Variants in RIDA observed in about 807,000 individuals in gnomAD.
The protein encoded by RIDA is 2-iminobutanoate/2-iminopropanoate deaminase.
In RIDA, 17 loss-of-function variants were observed where a neutral mutation model predicts 17.8. The ratio of observed to expected loss-of-function variants is 0.96; its 90% CI spans 0.65 to 1.43. The LOEUF (loss-of-function observed/expected upper bound fraction) is 1.43, where lower values mean the gene tolerates loss of function less well. RIDA is among the 40% of genes most tolerant of loss of function. The pLI, the probability that RIDA is intolerant of heterozygous loss-of-function variation, is 0.00. For synonymous variants in RIDA, 48 were observed against 55.7 expected, an observed-to-expected ratio of 0.86 and a Z score of 0.62; for missense variants, 158 against 161.7, an observed-to-expected ratio of 0.98 and a Z score of 0.12.
At chr8:98,115,402 AAAAAAAAAAAAAAG>A (rs1422720378) in intron 1 of RIDA, among the ~76,000 whole-genome samples, 47 of 106,960 alleles carry the variant, frequency 4.4e-4, no homozygotes, top group East Asian at 2.8e-3. Context: ...AAAAAAAAAA[AAAAAAAAAAAAAAG>A]GGATAGTGCC....
intron 5 of RIDA, among the ~76,000 whole-genome samples, chr8:98,103,352 A>G (rs149035520): frequency 6.6e-6 from 1 of 152,356 alleles, no homozygotes; most frequent in African/African-American, 2.4e-5. Context: ...CTCTTAAAAC[A>G]TAAATTTTCT....
chr8:98,106,085 T>C, intron 3 of RIDA, 79 bp from the exon 4 acceptor site: 1 of 1,156,492 alleles, frequency 8.6e-7, no homozygotes, highest in Non-Finnish European at 1.3e-6. Flanking sequence ...AGTGTATGAA[T>C]CTGAGACTGT....
At chr8:98,111,605 C>CAAA (rs374861980) in intron 1 of RIDA, among the ~76,000 whole-genome samples, 20 of 100,622 alleles carry the variant, frequency 2.0e-4, no homozygotes, top group African/African-American at 7.1e-4. Context: ...GACTCTGTGT[C>CAAA]AAAAAAAAAA....
chr8:98,108,790 A>G, intron 1 of RIDA, 39 bp from the exon 2 acceptor site: 2 of 1,338,434 alleles, frequency 1.5e-6, no homozygotes, highest in Non-Finnish European at 2.2e-6. Context: ...ATGTAAGTAT[A>G]AAACATAAAA....
intron 2 of RIDA, among the ~76,000 whole-genome samples, chr8:98,106,966 C>G (rs530939508): frequency 2.0e-5 from 3 of 152,172 alleles, no homozygotes; most frequent in African/African-American, 7.2e-5. Flanking sequence ...TCTCACCCCT[C>G]TCTCCCTCTC....
intron 2 of RIDA, among the ~76,000 whole-genome samples, chr8:98,107,240 C>T (rs2130550890): frequency 6.6e-6 from 1 of 152,260 alleles, no homozygotes; most frequent in Admixed American, 6.5e-5. Context: ...AATCTTTCAG[C>T]TAGGCCGGGT....
rs1563763879 is a variant in RIDA at position 98,108,701 on chromosome 8, A to C, written c.116T>G (p.Met39Arg). The C allele has an allele frequency of 6.2e-6, 10 of 1,613,800 alleles. No individual in the cohort carries two copies. Among genetic ancestry groups the C allele is most frequent in the Non-Finnish European group, 8.5e-6 (10 of 1,179,822 alleles). ...CACAAGCTGTCCACTTGAAGGGTCC[A>C]TGCCTATCTGTCCTGAAATGTAAAT... ...RTIYISGQIGMDPSSGQLVSG... is the reference protein window; with the variant it reads ...RTIYISGQIGRDPSSGQLVSG... The change falls in exon 2 of 6, where the codon ATG becomes AGG. Residue 39 changes from methionine (M) to arginine (R), a missense_variant. Coordinates refer to ENST00000254878, the MANE Select transcript of RIDA (RefSeq NM_005836.3).
chr8:98,115,414 A>T (rs1815795144), intron 1 of RIDA, among the ~76,000 whole-genome samples: 1 of 89,224 alleles, frequency 1.1e-5, no homozygotes, highest in African/African-American at 5.4e-5. Flanking sequence ...AAAAAAAAAA[A>T]AGGGATAGTG....
At position 98,108,696 on chromosome 8, in the gene RIDA, G is replaced by C; in HGVS notation, c.121C>G (p.Pro41Ala). Residue 41 changes from proline (P) to alanine (A), a missense_variant, in exon 2 of 6, where the codon CCT becomes GCT. Pro to Ala is a conservative substitution (Grantham distance 27). Transcript: ENST00000254878. ...CCTGACACAAGCTGTCCACTTGAAG[G>C]GTCCATGCCTATCTGTCCTGAAATG... The part of the protein sequence containing the change: ...IYISGQIGMD[P>A]SSGQLVSGGV... 1 of 1,613,706 alleles carries C rather than the reference G, an allele frequency of 6.2e-7. No individual in the cohort carries two copies. Among genetic ancestry groups the C allele is most frequent in the Non-Finnish European group, 8.5e-7 (1 of 1,179,726 alleles).
In RIDA at chr8:98,117,045, T is replaced by C. The variant is rs1478904344; in HGVS notation, c.52A>G (p.Ile18Val). 6.2e-7 allele frequency: 1 copy of C among 1,613,972 alleles called. No homozygotes were observed. Among genetic ancestry groups the C allele is most frequent in the Non-Finnish European group, 8.5e-7 (1 of 1,179,916 alleles). ...CAGCCACGTTACCTGTAGGGTCCAATGGCCCCTGGGGCTTTCGCGGTGCTG... is the reference window on the plus strand; with the variant it reads ...CAGCCACGTTACCTGTAGGGTCCAACGGCCCCTGGGGCTTTCGCGGTGCTG... The part of the protein sequence containing the change: ...VISTAKAPGA[I>V]GPYSQAVLVD... Residue 18 changes from isoleucine (I) to valine (V), a missense_variant, in exon 1 of 6, where the codon ATT (isoleucine) becomes GTT (valine). Transcript: ENST00000254878.
At chr8:98,108,806 T>C (rs755554051) in intron 1 of RIDA, 55 bp from the exon 2 acceptor site, 8 of 1,159,880 alleles carry the variant, frequency 6.9e-6, no homozygotes, top group East Asian at 2.4e-5. Context: ...TAAAATTCAA[T>C]GCTAGAAGAC....
intron 3 of RIDA, 21 bp from the exon 4 acceptor site, chr8:98,106,027 C>G: frequency 6.5e-7 from 1 of 1,547,754 alleles, no homozygotes. Context: ...TAAACATTGT[C>G]ATTAGGTTTA....
rs751872102 is a variant in RIDA at position 98,117,107 on chromosome 8, TC to T, written c.-12del. On this transcript the variant is annotated 5_prime_UTR_variant, in exon 1 of 6. Coordinates refer to ENST00000254878, the MANE Select transcript of RIDA (RefSeq NM_005836.3). ...GATCAAGGACGACATGGCTAAGCCT[TC>T]CCTCTTGCAGCCCCTTCAGGAGAAG... is the stretch of plus-strand genomic sequence containing the variant. 1.9e-6 allele frequency: 3 copies of T among 1,613,792 alleles called. No homozygotes were observed.
chr8:98,108,414 A>C (rs1321802985), intron 2 of RIDA, among the ~76,000 whole-genome samples: 1 of 151,990 alleles, frequency 6.6e-6, no homozygotes, highest in Non-Finnish European at 1.5e-5. Context: ...TTCAGGTTTA[A>C]GGTCACCTTA....
At chr8:98,112,595 A>G (rs926323244) in intron 1 of RIDA, among the ~76,000 whole-genome samples, 2 of 152,260 alleles carry the variant, frequency 1.3e-5, no homozygotes, top group Non-Finnish European at 2.9e-5. Flanking sequence ...ACTTGATAAC[A>G]TGATTCAGAA....
At chr8:98,103,710 CA>C (rs1218694722) in intron 5 of RIDA, among the ~76,000 whole-genome samples, 1 of 151,790 alleles carries the variant, frequency 6.6e-6, no homozygotes, top group Non-Finnish European at 1.5e-5. Flanking sequence ...GATTTCGGCT[CA>C]CTGCAAGCTC....
chr8:98,111,864 G>T (rs1413872458), intron 1 of RIDA, among the ~76,000 whole-genome samples: 1 of 151,886 alleles, frequency 6.6e-6, no homozygotes, highest in African/African-American at 2.4e-5. Context: ...GCAGTGAAAA[G>T]TCTTTCTTCC....
chr8:98,104,082 CTTTTT>C lies in RIDA; in HGVS notation c.351+402_351+406del, dbSNP rs539041035. The stretch of plus-strand genomic sequence containing the variant: ...TGGGGAAGCAGGGTCTATTTCTTTT[CTTTTT>C]TTTTTTTTTTTTAAGAGACAAGGTC... On this transcript the variant is annotated intron_variant, in intron 5 of 5. Coordinates refer to ENST00000254878, the MANE Select transcript of RIDA (RefSeq NM_005836.3). Among the ~76,000 whole-genome samples, 305 of 127,984 alleles carry C rather than the reference CTTTTT, an allele frequency of 2.4e-3. 1 individual carries two copies. The highest frequency in any genetic ancestry group is 3.2e-3 in the Non-Finnish European group (191 of 60,428). The allele number at this position is 127,984 out of a possible 152,430, so 84.0% of individuals were successfully genotyped here.
In RIDA at chr8:98,115,017, TA is replaced by T. The variant is rs144679712; in HGVS notation, c.65+2014del. 8.4e-3 allele frequency among the ~76,000 whole-genome samples: 1,274 copies of T among 152,290 alleles called. 19 individuals carry two copies. Among genetic ancestry groups the T allele is most frequent in the African/African-American group, 0.029 (1,211 of 41,546 alleles). ...GTGGTGTAACTTTTGGCAAATTATTTAATTTTGCACACATCAGTTTCTTCAT... is the reference window on the plus strand; with the variant it reads ...GTGGTGTAACTTTTGGCAAATTATTTATTTTGCACACATCAGTTTCTTCAT... On this transcript the variant is annotated intron_variant, in intron 1 of 5. Transcript: ENST00000254878.
Sources: allele counts gnomAD v4.1 joint callset (sites outside exome capture counted in the v4.1 genomes callset), GRCh38; gene constraint gnomAD v4.1.1; transcripts MANE v1.5; gene names NCBI Gene and HGNC (gene_info 2026-07-23, HGNC 2026-07-21).